The following DCHS2 variants were observed in gnomAD, a reference collection of about 807,000 sequenced individuals.
DCHS2 encodes protocadherin-23.
DCHS2 carries 142 observed loss-of-function variants against 182.4 expected under a neutral mutation model. That is an observed-to-expected ratio of 0.78 (90% CI 0.68 to 0.89). The LOEUF is 0.89. Among genes scored for constraint, DCHS2 ranks in the 40% least tolerant of loss-of-function variants. DCHS2 has a pLI of 0.00. For synonymous variants in DCHS2, 1,740 were observed against 1,663.3 expected (o/e 1.05, Z -1.12); for missense variants, 4,319 against 4,198.6 (o/e 1.03, Z -0.79).
chr4:154,462,019 A>G (rs1271713216), intron 1 of DCHS2, among the ~76,000 whole-genome samples: 1 of 152,184 alleles, frequency 6.6e-6, no homozygotes, highest in Non-Finnish European at 1.5e-5. Flanking sequence ...ATTCAGAGGA[A>G]GGAAAGGGAC....
At chr4:154,444,688 G>C (rs1734193698) in intron 1 of DCHS2, among the ~76,000 whole-genome samples, 1 of 152,064 alleles carries the variant, frequency 6.6e-6, no homozygotes, top group Non-Finnish European at 1.5e-5. Flanking sequence ...TCTTCTCAAA[G>C]GATAAATCAG....
Position 154,242,791 on chromosome 4 carries a change from C to A in DCHS2, c.6942-19G>T. ...AATCAAGCTGGTTTGGAAAAAGAATCAAAGAATGTGATTCATCATCCAGGA... is the reference window on the plus strand; with the variant it reads ...AATCAAGCTGGTTTGGAAAAAGAATAAAAGAATGTGATTCATCATCCAGGA... On this transcript the variant is annotated intron_variant, in intron 16 of 19. Coordinates refer to ENST00000357232, the MANE Select transcript of DCHS2 (RefSeq NM_001358235.2). 2 of 1,587,160 alleles carry A rather than the reference C, an allele frequency of 1.3e-6. No individual in the cohort carries two copies. Among genetic ancestry groups the A allele is most frequent in the Admixed American group, 3.8e-5 (2 of 53,220 alleles).
At chr4:154,252,663 TTTC>T (rs1447127980) in intron 16 of DCHS2, among the ~76,000 whole-genome samples, 9 of 62,694 alleles carry the variant, frequency 1.4e-4, no homozygotes, top group South Asian at 5.6e-4. Context: ...TTCTTCTTTT[TTTC>T]TTTTAATGGC....
intron 1 of DCHS2, among the ~76,000 whole-genome samples, chr4:154,414,487 C>CTTT (rs375818839): frequency 2.9e-3 from 211 of 73,676 alleles, no homozygotes; most frequent in Non-Finnish European, 3.5e-3. Context: ...ATACAGCTTT[C>CTTT]TTTTTTTTTT....
intron 3 of DCHS2, among the ~76,000 whole-genome samples, chr4:154,335,501 G>T (rs1284434309): frequency 6.6e-6 from 1 of 152,170 alleles, no homozygotes; most frequent in Non-Finnish European, 1.5e-5. Flanking sequence ...CTGGTCTTCA[G>T]CCTCAAACTA....
intron 3 of DCHS2, among the ~76,000 whole-genome samples, chr4:154,356,678 C>T (rs1319540390): frequency 6.6e-6 from 1 of 152,106 alleles, no homozygotes; most frequent in Non-Finnish European, 1.5e-5. Flanking sequence ...GTAGTCAATG[C>T]GGTAACATGC....
rs1731524892 is a variant in DCHS2, at chr4:154,236,663, T to C, written c.7989A>G (p.Pro2663=). The change falls in exon 20 of 20, where the codon CCA becomes CCG. Residue 2663 remains proline (P), a synonymous_variant. Transcript: ENST00000357232. ...TGTGATAGCTCAGGCTGCTGAAGTTTGGGGGATTGTCATTGACATCAAGTA... is the reference window on the plus strand; with the variant it reads ...TGTGATAGCTCAGGCTGCTGAAGTTCGGGGGATTGTCATTGACATCAAGTA... The part of the protein sequence containing the change: ...IQVLDVNDNP[P]NFSSLSYHTH... 6.2e-7 allele frequency: 1 copy of C among 1,613,992 alleles called. No individual in the cohort carries two copies. The highest frequency in any genetic ancestry group is 8.5e-7 in the Non-Finnish European group (1 of 1,179,956).
At chr4:154,445,818 A>G (rs1435922193) in intron 1 of DCHS2, among the ~76,000 whole-genome samples, 3 of 151,930 alleles carry the variant, frequency 2.0e-5, no homozygotes, top group African/African-American at 7.3e-5. Flanking sequence ...CAAAAAAAAA[A>G]AAAAAAACGA....
chr4:154,408,291 TA>T (rs1732481154), intron 1 of DCHS2, among the ~76,000 whole-genome samples: 1 of 152,224 alleles, frequency 6.6e-6, no homozygotes, highest in Admixed American at 6.5e-5. Context: ...TACTCTGATT[TA>T]AATATTATGA....
At chr4:154,442,941 C>T (rs190781926) in intron 1 of DCHS2, among the ~76,000 whole-genome samples, 108 of 152,162 alleles carry the variant, frequency 7.1e-4, no homozygotes, top group Non-Finnish European at 1.3e-3. Context: ...GACACACACC[C>T]CTCTGCTCAT....
At chr4:154,278,552 A>G (rs1733976093) in intron 13 of DCHS2, among the ~76,000 whole-genome samples, 1 of 152,246 alleles carries the variant, frequency 6.6e-6, no homozygotes, top group Admixed American at 6.5e-5. Flanking sequence ...ATAAATCCAA[A>G]GAAATCTACG....
chr4:154,320,285 T>C, intron 9 of DCHS2, 94 bp downstream of exon 9: 1 of 1,509,354 alleles, frequency 6.6e-7, no homozygotes, highest in Non-Finnish European at 8.8e-7. Context: ...AACAATGTAT[T>C]GTACACTTAA....
intron 12 of DCHS2, among the ~76,000 whole-genome samples, chr4:154,300,581 G>A (rs114716991): frequency 0.037 from 5,673 of 151,770 alleles, 147 homozygotes; most frequent in Non-Finnish European, 0.058. Context: ...CCGCTGCTCA[G>A]GAGGCTGGGG....
intron 7 of DCHS2, among the ~76,000 whole-genome samples, chr4:154,324,819 C>G (rs556700320): frequency 3.3e-5 from 5 of 152,276 alleles, no homozygotes; most frequent in Admixed American, 1.3e-4. Flanking sequence ...GATTTCTATG[C>G]TTTAATCCAT....
In DCHS2 at chr4:154,235,480, A is replaced by T; in HGVS notation, c.9172T>A (p.Cys3058Ser). Residue 3058 changes from cysteine (C) to serine (S), a missense_variant, in exon 20 of 20, where the codon TGC becomes AGC. Cys to Ser is a moderately radical substitution (Grantham distance 112). Transcript: ENST00000357232. ...VLKAFQKTDD[C>S]SNEVVPVDAT... ...TCCACAGGGACCACCTCGTTACTGC[A>T]GTCGTCAGTTTTCTGGAAGGCTTTG... 6.2e-7 allele frequency: 1 copy of T among 1,614,016 alleles called. No homozygotes were observed. The highest frequency in any genetic ancestry group is 8.5e-7 in the Non-Finnish European group (1 of 1,179,944).
At chr4:154,443,679 C>T (rs1007849084) in intron 1 of DCHS2, among the ~76,000 whole-genome samples, 1 of 152,194 alleles carries the variant, frequency 6.6e-6, no homozygotes, top group Non-Finnish European at 1.5e-5. Context: ...TATTACATAT[C>T]ATAGGCATCA....
In DCHS2 at chr4:154,236,507, T is replaced by C. The variant is rs775828826; in HGVS notation, c.8145A>G (p.Leu2715=). 8.7e-6 allele frequency: 14 copies of C among 1,614,024 alleles called. No homozygotes were observed. The highest frequency in any genetic ancestry group is 1.2e-5 in the Non-Finnish European group (14 of 1,179,962). ...ISGNEKGHFY[L]EENTGVLYLI... is the part of the protein sequence containing the mutation. ...AATAAAGAACTCCAGTGTTTTCTTC[T>C]AAGTAAAAATGTCCCTTCTCATTTC... The change falls in exon 20 of 20, where the codon TTA becomes TTG. Residue 2715 remains leucine, a synonymous_variant. Coordinates refer to ENST00000357232, the MANE Select transcript of DCHS2 (RefSeq NM_001358235.2).
At chr4:154,273,277 T>C (rs1458505708) in intron 13 of DCHS2, among the ~76,000 whole-genome samples, 1 of 151,990 alleles carries the variant, frequency 6.6e-6, no homozygotes, top group Non-Finnish European at 1.5e-5. Flanking sequence ...CTCTCAGCCA[T>C]AAAGAGAAAT....
chr4:154,416,464 T>A (rs147363358), intron 1 of DCHS2, among the ~76,000 whole-genome samples: 44 of 152,346 alleles, frequency 2.9e-4, no homozygotes, highest in African/African-American at 9.9e-4. Flanking sequence ...CGACGAGGAA[T>A]ACGTCTTCCT....
Sources: gnomAD v4.1 joint callset for allele counts (sites outside exome capture counted in the v4.1 genomes callset) on GRCh38, gnomAD v4.1.1 for gene constraint, MANE v1.5 for transcripts, NCBI Gene and HGNC (gene_info 2026-07-23, HGNC 2026-07-21) for gene names.